Variants in CDH2 observed in about 807,000 individuals in gnomAD.
The protein encoded by CDH2 is cadherin 2.
Under a neutral mutation model 92.0 loss-of-function variants are expected in CDH2, and 17 were observed. The ratio of observed to expected loss-of-function variants is 0.18; its 90% CI spans 0.13 to 0.28. The LOEUF is 0.28. Ranked by LOEUF, CDH2 falls within the 10% of genes least tolerant of loss-of-function variation. CDH2 has a pLI of 1.00. For synonymous variants in CDH2, 419 were observed against 415.9 expected (o/e 1.01, Z -0.09); for missense variants, 862 against 1,133.1 (o/e 0.76, Z 3.44).
chr18:27,962,961 G>C (rs1373689853), intron 15 of CDH2, among the ~76,000 whole-genome samples: 1 of 151,982 alleles, frequency 6.6e-6, no homozygotes, highest in Non-Finnish European at 1.5e-5. Context: ...GGATTCAAAG[G>C]GTACAGTGTG....
chr18:27,953,576 C>T (rs1193750955), intron 15 of CDH2, among the ~76,000 whole-genome samples: 1 of 152,122 alleles, frequency 6.6e-6, no homozygotes, highest in Non-Finnish European at 1.5e-5. Context: ...TGAGCGCATA[C>T]ATGGGTTTTT....
At chr18:28,173,100 T>C (rs1023460360) in intron 1 of CDH2, among the ~76,000 whole-genome samples, 8 of 152,096 alleles carry the variant, frequency 5.3e-5, no homozygotes, top group African/African-American at 1.7e-4. Context: ...AGTCTCTACA[T>C]GTAAAAAGCA....
chr18:28,111,425 A>C (rs949349782), intron 2 of CDH2, among the ~76,000 whole-genome samples: 2 of 152,236 alleles, frequency 1.3e-5, no homozygotes, highest in African/African-American at 4.8e-5. Context: ...CATGTATTCG[A>C]GGTAAGAATG....
intron 15 of CDH2, among the ~76,000 whole-genome samples, chr18:27,956,822 A>C (rs1181262849): frequency 6.6e-6 from 1 of 152,230 alleles, no homozygotes; most frequent in African/African-American, 2.4e-5. Flanking sequence ...AAATTGATGA[A>C]CAGTTTAAGA....
chr18:27,941,226 G>A (rs952013801), intron 6 of CDH2, among the ~76,000 whole-genome samples: 2 of 151,764 alleles, frequency 1.3e-5, no homozygotes, highest in Non-Finnish European at 1.5e-5. Flanking sequence ...TAGTAGAGAC[G>A]GGGTTTCACC....
chr18:27,983,149 G>C, intron 13 of CDH2, 66 bp from the exon 14 acceptor site: 3 of 1,257,998 alleles, frequency 2.4e-6, no homozygotes, highest in Non-Finnish European at 3.4e-6. Flanking sequence ...TTTAGTCACA[G>C]TATTCAGTAC....
At chr18:28,087,821 AAAC>A (rs1299666194) in intron 2 of CDH2, among the ~76,000 whole-genome samples, 1 of 152,126 alleles carries the variant, frequency 6.6e-6, no homozygotes, top group Non-Finnish European at 1.5e-5. Context: ...AAACAAAACA[AAAC>A]AAAAAATAAG....
chr18:28,045,160 T>C (rs993731156), intron 2 of CDH2, among the ~76,000 whole-genome samples: 2 of 152,162 alleles, frequency 1.3e-5, no homozygotes, highest in African/African-American at 4.8e-5. Flanking sequence ...CTCATCCAAC[T>C]GGTCTTCAAG....
intron 2 of CDH2, among the ~76,000 whole-genome samples, chr18:28,066,064 G>A (rs2014500150): frequency 6.6e-6 from 1 of 152,110 alleles, no homozygotes; most frequent in African/African-American, 2.4e-5. Context: ...TCAAGAGCTG[G>A]CCACATTCTA....
Position 27,951,163 on chromosome 18 carries a change from T to C in CDH2, c.*990A>G, listed in dbSNP as rs201848238. On this transcript the variant is annotated 3_prime_UTR_variant, in exon 16 of 16. Transcript: ENST00000269141. ...AGGCCACCCCTTTCTTTCCTTTCCTTTTTTTTTTTTTTTGGTACAAATTAT... is the reference window on the plus strand; with the variant it reads ...AGGCCACCCCTTTCTTTCCTTTCCTCTTTTTTTTTTTTTGGTACAAATTAT... 1 of 2,788 alleles carries C rather than the reference T, an allele frequency of 3.6e-4. No homozygotes were observed. The highest frequency in any genetic ancestry group is 3.1e-3 in the Non-Finnish European group (1 of 322). 0.2% of individuals were successfully genotyped at this position (2,788 alleles called of 1,614,324 possible). A position where few individuals can be genotyped will look rare whatever the true frequency, so the allele number is the denominator to read the frequency against.
intron 11 of CDH2, among the ~76,000 whole-genome samples, chr18:27,986,600 T>C (rs2012242421): frequency 6.6e-6 from 1 of 152,206 alleles, no homozygotes; most frequent in South Asian, 2.1e-4. Flanking sequence ...TTATGAATAT[T>C]TTATAAATAA....
rs1331918895 is a variant in CDH2, at chr18:27,986,315, T to C, written c.1742-554A>G. On this transcript the variant is annotated intron_variant, in intron 11 of 15. Transcript: ENST00000269141. Reference sequence around the variant, plus strand: ...GATATTTACTAACCAACCAACTACCTGCTTGAGATCATATTAGGCTGCTCT... The same window carrying C: ...GATATTTACTAACCAACCAACTACCCGCTTGAGATCATATTAGGCTGCTCT... Among the ~76,000 whole-genome samples, 7 of 152,168 alleles carry C rather than the reference T, an allele frequency of 4.6e-5. No individual in the cohort carries two copies. The East Asian group carries it at 1.4e-3, about 29-fold the overall frequency.
At chr18:28,028,907 G>T (rs953567973) in intron 2 of CDH2, among the ~76,000 whole-genome samples, 2 of 152,040 alleles carry the variant, frequency 1.3e-5, no homozygotes, top group African/African-American at 4.8e-5. Flanking sequence ...TCAAAGCAAT[G>T]ACATGAAATC....
intron 6 of CDH2, among the ~76,000 whole-genome samples, 172 bp downstream of exon 6, chr18:28,005,677 C>G (rs902051160): frequency 6.6e-6 from 1 of 151,186 alleles, no homozygotes; most frequent in Non-Finnish European, 1.5e-5. Flanking sequence ...TTGTTTTTCT[C>G]TCTTCAATTG....
chr18:27,993,736 G>T, intron 7 of CDH2, 99 bp from the exon 8 acceptor site: 1 of 875,870 alleles, frequency 1.1e-6, no homozygotes, highest in Non-Finnish European at 1.8e-6. Flanking sequence ...AGGAGAGCAT[G>T]GCATCATTCA....
intron 2 of CDH2, among the ~76,000 whole-genome samples, chr18:28,090,936 C>T (rs1472895820): frequency 6.6e-6 from 1 of 152,014 alleles, no homozygotes; most frequent in Non-Finnish European, 1.5e-5. Flanking sequence ...TTTCTATATC[C>T]AATAGTGGTT....
chr18:27,989,114 C>G (rs905566187), intron 10 of CDH2, among the ~76,000 whole-genome samples: 1 of 152,206 alleles, frequency 6.6e-6, no homozygotes, highest in Non-Finnish European at 1.5e-5. Flanking sequence ...AACACTTTAT[C>G]ATGGCCAACA....
intron 2 of CDH2, among the ~76,000 whole-genome samples, chr18:28,076,544 CT>C (rs959153219): frequency 4.6e-4 from 70 of 151,800 alleles, no homozygotes; most frequent in African/African-American, 1.6e-3. Context: ...GTTTTTTTTC[CT>C]TTTTTTAAAT....
intron 6 of CDH2, among the ~76,000 whole-genome samples, chr18:27,936,018 CAG>C (rs1280839176): frequency 6.6e-6 from 1 of 152,114 alleles, no homozygotes; most frequent in Non-Finnish European, 1.5e-5. Context: ...GTAATATTGA[CAG>C]AAAATAGATC....
Sources: gnomAD v4.1 joint callset for allele counts (sites outside exome capture counted in the v4.1 genomes callset) on GRCh38, gnomAD v4.1.1 for gene constraint, MANE v1.5 for transcripts, NCBI Gene and HGNC (gene_info 2026-07-23, HGNC 2026-07-21) for gene names.